KCNT2: variants seen among roughly 807,000 people sequenced by gnomAD.
The protein encoded by KCNT2 is potassium channel subfamily T member 2.
In KCNT2, 67 loss-of-function variants were observed where a neutral mutation model predicts 153.8. The ratio of observed to expected loss-of-function variants is 0.44; its 90% CI spans 0.36 to 0.53. The LOEUF (loss-of-function observed/expected upper bound fraction) is 0.53. KCNT2 is among the 20% of genes least tolerant of loss of function. KCNT2 has a pLI of 0.00. For missense variants in KCNT2, 975 were observed against 1,354.8 expected, an observed-to-expected ratio of 0.72 and a Z score of 4.40; for synonymous variants, 500 against 458.8, an observed-to-expected ratio of 1.09 and a Z score of -1.15.
intron 14 of KCNT2, among the ~76,000 whole-genome samples, chr1:196,342,543 C>A (rs1665771279): frequency 1.3e-5 from 2 of 149,804 alleles, no homozygotes; most frequent in Admixed American, 1.3e-4. Flanking sequence ...CACAATGAAT[C>A]AATGAGATAC....
intron 12 of KCNT2, among the ~76,000 whole-genome samples, chr1:196,401,623 A>G (rs1299002906): frequency 6.6e-6 from 1 of 151,760 alleles, no homozygotes; most frequent in Non-Finnish European, 1.5e-5. Context: ...ACATAGATCA[A>G]TAGAATTTAC....
chr1:196,331,391 GAGGT>G, intron 17 of KCNT2, 130 bp from the exon 18 acceptor site: 1 of 640,482 alleles, frequency 1.6e-6, no homozygotes, highest in Admixed American at 2.7e-5. Context: ...TTTTGATAAA[GAGGT>G]AGTTAAGAAG....
At chr1:196,365,150 G>A (rs2148291643) in intron 14 of KCNT2, among the ~76,000 whole-genome samples, 1 of 152,058 alleles carries the variant, frequency 6.6e-6, no homozygotes, top group South Asian at 2.1e-4. Context: ...TGTGTTATCA[G>A]TATTTGAATC....
chr1:196,408,413 C>G (rs1672012025), intron 12 of KCNT2, among the ~76,000 whole-genome samples: 1 of 151,514 alleles, frequency 6.6e-6, no homozygotes, highest in Non-Finnish European at 1.5e-5. Context: ...TTGCATTGAT[C>G]AAACATTACC....
At position 196,589,665 on chromosome 1, in the gene KCNT2, T is replaced by C. The variant is rs1453401558; in HGVS notation, c.95+18550A>G. ...ATGTGTATTTGTGACATTTATTCAT[T>C]AACTCTGATTATATGTGACTACTGT... On this transcript the variant is annotated intron_variant, in intron 1 of 27. Transcript: ENST00000294725. Among the ~76,000 whole-genome samples, 11 of 152,234 alleles carry C rather than the reference T, an allele frequency of 7.2e-5. No homozygotes were observed. The South Asian group carries it at 2.3e-3, about 32-fold the overall frequency.
intron 8 of KCNT2, among the ~76,000 whole-genome samples, chr1:196,435,298 A>G (rs1451216887): frequency 6.7e-6 from 1 of 149,678 alleles, no homozygotes; most frequent in Admixed American, 6.7e-5. Context: ...GAAATAGTCA[A>G]GTACTAAAAG....
chr1:196,480,014 T>C (rs1678872608), intron 4 of KCNT2, among the ~76,000 whole-genome samples: 1 of 152,224 alleles, frequency 6.6e-6, no homozygotes, highest in Admixed American at 6.5e-5. Context: ...GAAGTGTTAG[T>C]ACTATCTTCC....
At chr1:196,269,822 C>T (rs545496955) in intron 25 of KCNT2, among the ~76,000 whole-genome samples, 1 of 152,008 alleles carries the variant, frequency 6.6e-6, no homozygotes, top group Admixed American at 6.6e-5. Context: ...CACAGGTTAC[C>T]AATGACCCTG....
At chr1:196,606,937 G>A (rs1665385869) in intron 1 of KCNT2, among the ~76,000 whole-genome samples, 1 of 152,108 alleles carries the variant, frequency 6.6e-6, no homozygotes. Flanking sequence ...AGAATACTGA[G>A]AAATTGGTAT....
intron 8 of KCNT2, among the ~76,000 whole-genome samples, chr1:196,455,661 T>A (rs1416192595): frequency 6.6e-6 from 1 of 152,038 alleles, no homozygotes; most frequent in Non-Finnish European, 1.5e-5. Flanking sequence ...CAAGTCTATT[T>A]AATTAGAGAC....
At chr1:196,321,998 G>C (rs1431015570) in intron 19 of KCNT2, among the ~76,000 whole-genome samples, 1 of 151,758 alleles carries the variant, frequency 6.6e-6, no homozygotes, top group Admixed American at 6.6e-5. Flanking sequence ...CCTTTACATT[G>C]GGAAGCATTA....
Position 196,465,462 on chromosome 1 carries a change from C to T in KCNT2, c.544-75G>A, listed in dbSNP as rs1007679789. 6 of 805,662 alleles carry T rather than the reference C, an allele frequency of 7.4e-6. No individual in the cohort carries two copies. The Admixed American group carries it at 1.1e-4, about 15-fold the overall frequency. The allele number at this position is 805,662 out of a possible 1,614,324, so 49.9% of individuals were successfully genotyped here. ...GCATGAGTTTCATTACATTTATTAG[C>T]ATACATTTCATGTCAACTCTCCTGT... On this transcript the variant is annotated intron_variant, in intron 7 of 27. Coordinates refer to ENST00000294725, the MANE Select transcript of KCNT2 (RefSeq NM_198503.5).
At chr1:196,344,975 T>C (rs1427298114) in intron 14 of KCNT2, among the ~76,000 whole-genome samples, 1 of 152,164 alleles carries the variant, frequency 6.6e-6, no homozygotes, top group East Asian at 1.9e-4. Context: ...TTTCATCGCA[T>C]GTTATTTGCT....
intron 12 of KCNT2, among the ~76,000 whole-genome samples, chr1:196,408,715 C>A (rs551296043): frequency 1.3e-5 from 2 of 151,556 alleles, no homozygotes; most frequent in Admixed American, 1.3e-4. Flanking sequence ...ATTATTGATG[C>A]CTCATTTAAT....
At chr1:196,231,517 A>C (rs1371381583) in intron 27 of KCNT2, among the ~76,000 whole-genome samples, 1 of 151,900 alleles carries the variant, frequency 6.6e-6, no homozygotes, top group East Asian at 1.9e-4. Flanking sequence ...GGAAGAAAAA[A>C]AAAGAAATTC....
At chr1:196,287,054 T>C (rs1264045307) in intron 22 of KCNT2, among the ~76,000 whole-genome samples, 1 of 152,114 alleles carries the variant, frequency 6.6e-6, no homozygotes, top group East Asian at 1.9e-4. Flanking sequence ...CACGTGTATC[T>C]ATAGTGTCTG....
chr1:196,505,839 T>C (rs1215908739), intron 1 of KCNT2, among the ~76,000 whole-genome samples: 9 of 152,164 alleles, frequency 5.9e-5, no homozygotes, highest in Non-Finnish European at 4.4e-5. Context: ...TTATTCTCTT[T>C]GAAGCAATTG....
chr1:196,465,985 T>C (rs1244316781), intron 7 of KCNT2, among the ~76,000 whole-genome samples: 1 of 152,066 alleles, frequency 6.6e-6, no homozygotes, highest in African/African-American at 2.4e-5. Flanking sequence ...TGAAGACAAA[T>C]AACTAAGTTG....
intron 8 of KCNT2, among the ~76,000 whole-genome samples, chr1:196,437,213 A>G (rs1249886419): frequency 1.8e-5 from 2 of 111,694 alleles, no homozygotes; most frequent in Non-Finnish European, 3.5e-5. Flanking sequence ...TACCAAAACC[A>G]AGTATTTTAA....
Sources: allele counts gnomAD v4.1 joint callset (sites outside exome capture counted in the v4.1 genomes callset), GRCh38; gene constraint gnomAD v4.1.1; transcripts MANE v1.5; gene names NCBI Gene and HGNC (gene_info 2026-07-23, HGNC 2026-07-21).